UGT1A10: variants seen among roughly 807,000 people sequenced by gnomAD.
UGT1A10 encodes the protein UDP glucuronosyltransferase family 1 member A10.
In UGT1A10, 49 loss-of-function variants were observed where a neutral mutation model predicts 45.8. The ratio of observed to expected loss-of-function variants is 1.07; its 90% CI spans 0.85 to 1.36. The LOEUF (loss-of-function observed/expected upper bound fraction) is 1.36, where lower values mean the gene tolerates loss of function less well. Ranked by LOEUF, UGT1A10 falls within the 40% of genes most tolerant of loss-of-function variation. The pLI is 0.00. For synonymous variants in UGT1A10, 284 were observed against 249.7 expected (o/e 1.14, Z -1.29); for missense variants, 745 against 668.6 (o/e 1.11, Z -1.26).
chr2:233,746,319 G>C (rs1444609554), intron 1 of UGT1A10, among the ~76,000 whole-genome samples: 1 of 151,794 alleles, frequency 6.6e-6, no homozygotes, highest in Admixed American at 6.5e-5. Flanking sequence ...CCCTGTAGAT[G>C]ATCTACAGGG....
intron 4 of UGT1A10, among the ~76,000 whole-genome samples, 154 bp from the exon 5 acceptor site, chr2:233,772,106 CTG>C (rs1172403577): frequency 6.6e-6 from 1 of 152,016 alleles, no homozygotes; most frequent in African/African-American, 2.4e-5. Context: ...GGGCAAGACT[CTG>C]TATCTAAAAA....
chr2:233,645,244 A>G (rs1323373160), intron 1 of UGT1A10, among the ~76,000 whole-genome samples: 2 of 152,114 alleles, frequency 1.3e-5, no homozygotes. Flanking sequence ...TGCCCCCATG[A>G]TTCAATTTTC....
chr2:233,693,870 G>T (rs1264402797), intron 1 of UGT1A10: 2 of 1,614,164 alleles, frequency 1.2e-6, no homozygotes, highest in East Asian at 4.5e-5. Context: ...TCTCAGGTTG[G>T]TGGGTTTATT....
chr2:233,681,774 T>G, intron 1 of UGT1A10: 3 of 931,158 alleles, frequency 3.2e-6, no homozygotes, highest in African/African-American at 1.8e-5. Flanking sequence ...AGGCTACTCA[T>G]GTATTATTAT....
At chr2:233,745,413 T>G (rs902285196) in intron 1 of UGT1A10, among the ~76,000 whole-genome samples, 5 of 151,802 alleles carry the variant, frequency 3.3e-5, no homozygotes, top group East Asian at 3.8e-4. Flanking sequence ...TGGATTCTTT[T>G]CTTTGATAAA....
intron 1 of UGT1A10, among the ~76,000 whole-genome samples, chr2:233,694,689 C>A (rs1300975135): frequency 6.6e-6 from 1 of 152,142 alleles, no homozygotes; most frequent in Non-Finnish European, 1.5e-5. Context: ...TCCCAAAGAC[C>A]CTTACCTCTC....
intron 1 of UGT1A10, among the ~76,000 whole-genome samples, chr2:233,667,060 T>G (rs1463099815): frequency 6.6e-6 from 1 of 152,180 alleles, no homozygotes; most frequent in Non-Finnish European, 1.5e-5. Flanking sequence ...TGTTGGACAT[T>G]TGGGTTGGTT....
chr2:233,645,120 A>G (rs945208841), intron 1 of UGT1A10, among the ~76,000 whole-genome samples: 1 of 152,168 alleles, frequency 6.6e-6, no homozygotes, highest in African/African-American at 2.4e-5. Context: ...CTGGCAATGC[A>G]TTTTCTGCCT....
chr2:233,693,681 T>C, intron 1 of UGT1A10: 2 of 1,614,218 alleles, frequency 1.2e-6, no homozygotes, highest in African/African-American at 2.7e-5. Context: ...TATTGTCTGT[T>C]TTCAAAGTAT....
intron 1 of UGT1A10, among the ~76,000 whole-genome samples, chr2:233,651,419 T>A (rs558545916): frequency 2.0e-5 from 3 of 152,366 alleles, no homozygotes; most frequent in Admixed American, 6.5e-5. Flanking sequence ...TGGTTTTACA[T>A]GTCTAAAAAA....
chr2:233,661,835 T>A (rs1390572929), intron 1 of UGT1A10, among the ~76,000 whole-genome samples: 2 of 151,986 alleles, frequency 1.3e-5, no homozygotes, highest in African/African-American at 2.4e-5. Flanking sequence ...GAGGCATCAC[T>A]AGCGACACTT....
At chr2:233,670,674 A>G (rs889775848) in intron 1 of UGT1A10, among the ~76,000 whole-genome samples, 4 of 152,162 alleles carry the variant, frequency 2.6e-5, no homozygotes, top group African/African-American at 4.8e-5. Context: ...TCACAGATTC[A>G]TATCTTGAAA....
chr2:233,767,876 C>A lies in UGT1A10; in HGVS notation c.1015C>A (p.Pro339Thr), dbSNP rs773195449. ...TVLWRYTGTR[P>T]SNLANNTILV... ...CCTGTGGCGGTACACTGGAACCCGA[C>A]CATCGAATCTTGCGAACAACACGAT... The change falls in exon 3 of 5, where the codon CCA becomes ACA. Residue 339 changes from proline (P) to threonine (T), a missense_variant. Physicochemically the swap from Pro to Thr is conservative, Grantham distance 38 (BLOSUM62 -1). Transcript: ENST00000344644. 23 of 1,614,060 alleles carry A rather than the reference C, an allele frequency of 1.4e-5. No individual in the cohort carries two copies. The highest frequency in any genetic ancestry group is 1.8e-5 in the Non-Finnish European group (21 of 1,180,054).
At chr2:233,739,868 G>A (rs1691228804) in intron 1 of UGT1A10, among the ~76,000 whole-genome samples, 1 of 151,904 alleles carries the variant, frequency 6.6e-6, no homozygotes. Context: ...AGAATGATAT[G>A]ATTTGACTGT....
Position 233,695,329 on chromosome 2 carries a change from T to C in UGT1A10, c.855+57952T>C, listed in dbSNP as rs1478779015. ...TTAGTAGAGGCGGGGTTTCACCACG[T>C]TGGCCAGGATGGTCTCAATCTCTTG... On this transcript the variant is annotated intron_variant, in intron 1 of 4. Coordinates refer to ENST00000344644, the MANE Select transcript of UGT1A10 (RefSeq NM_019075.4). 5.3e-5 allele frequency among the ~76,000 whole-genome samples: 8 copies of C among 152,048 alleles called. No individual in the cohort carries two copies. The East Asian group carries it at 1.5e-3, about 29-fold the overall frequency.
chr2:233,642,984 T>C (rs1210338373), intron 1 of UGT1A10, among the ~76,000 whole-genome samples: 1 of 152,226 alleles, frequency 6.6e-6, no homozygotes, highest in Non-Finnish European at 1.5e-5. Context: ...CCACTATGAC[T>C]GTGCTGGATC....
chr2:233,724,270 G>A (rs1404305230), intron 1 of UGT1A10, among the ~76,000 whole-genome samples: 18 of 134,540 alleles, frequency 1.3e-4, no homozygotes, highest in African/African-American at 3.1e-4. Flanking sequence ...CGGACGGGGC[G>A]GCTGGCCGGG....
chr2:233,668,365 T>C (rs916076601), intron 1 of UGT1A10, among the ~76,000 whole-genome samples: 7 of 152,226 alleles, frequency 4.6e-5, no homozygotes, highest in Admixed American at 3.9e-4. Flanking sequence ...TTCATCCATG[T>C]CGCTACAAAG....
chr2:233,744,977 C>G (rs528812849), intron 1 of UGT1A10, among the ~76,000 whole-genome samples: 5 of 151,856 alleles, frequency 3.3e-5, no homozygotes, highest in Non-Finnish European at 7.3e-5. Flanking sequence ...CTTTAAGCCT[C>G]TAGTCATCTC....
Sources: gnomAD v4.1 joint callset for allele counts (sites outside exome capture counted in the v4.1 genomes callset) on GRCh38, gnomAD v4.1.1 for gene constraint, MANE v1.5 for transcripts, NCBI Gene and HGNC (gene_info 2026-07-23, HGNC 2026-07-21) for gene names.